The following SLC38A11 variants were observed in gnomAD, a reference collection of about 807,000 sequenced individuals.
SLC38A11 encodes putative sodium-coupled neutral amino acid transporter 11.
In SLC38A11, 51 loss-of-function variants were observed where a neutral mutation model predicts 49.4. That is an observed-to-expected ratio of 1.03 (90% CI 0.83 to 1.30). The LOEUF (loss-of-function observed/expected upper bound fraction) is 1.30, where lower values mean the gene tolerates loss of function less well. SLC38A11 is among the 50% of genes most tolerant of loss of function. The pLI is 0.00. For synonymous variants in SLC38A11, 203 were observed against 192.9 expected (o/e 1.05, Z -0.43); for missense variants, 574 against 556.2 (o/e 1.03, Z -0.32).
rs1684377543 is a variant in SLC38A11, at chr2:164,896,429, A to G, written c.*2008T>C. On this transcript the variant is annotated 3_prime_UTR_variant, in exon 12 of 12. Transcript: ENST00000685975. ...TGCTAAATTATGTTATCCTTGACAT[A>G]CTTTTCTTTGTACATGCTTAGAGAT... 6.6e-6 allele frequency: 1 copy of G among 152,150 alleles called. No homozygotes were observed. The highest frequency in any genetic ancestry group is 1.5e-5 in the Non-Finnish European group (1 of 68,032). The allele number at this position is 152,150 out of a possible 1,614,324, so 9.4% of individuals were successfully genotyped here.
chr2:164,903,507 A>G (rs775931704), intron 11 of SLC38A11, among the ~76,000 whole-genome samples: 1 of 152,196 alleles, frequency 6.6e-6, no homozygotes, highest in Non-Finnish European at 1.5e-5. Context: ...GATACCAGCT[A>G]CTTTCTTGAT....
At chr2:164,944,976 G>A (rs965021648) in intron 4 of SLC38A11, among the ~76,000 whole-genome samples, 6 of 152,068 alleles carry the variant, frequency 3.9e-5, no homozygotes, top group African/African-American at 1.4e-4. Context: ...CATAAAGTGA[G>A]GAATAATAAT....
chr2:164,913,630 A>G lies in SLC38A11; in HGVS notation c.850+1482T>C, dbSNP rs550362425. On this transcript the variant is annotated intron_variant, in intron 9 of 11. Coordinates refer to ENST00000685975, the MANE Select transcript of SLC38A11 (RefSeq NM_001351537.2). ...ATTTAATTATATCTGAGCAATTACC[A>G]CTGATAAAAACTCCAGGAAGATGTA... Among the ~76,000 whole-genome samples the G allele has an allele frequency of 2.3e-4, 35 of 150,790 alleles. No homozygotes were observed. The South Asian group carries it at 7.2e-3, about 31-fold the overall frequency.
intron 4 of SLC38A11, 31 bp downstream of exon 4, chr2:164,945,562 A>C (rs1688048157): frequency 6.4e-7 from 1 of 1,568,040 alleles, no homozygotes; most frequent in African/African-American, 1.4e-5. Flanking sequence ...TATGCACATA[A>C]TTGCAATATT....
Position 164,899,660 on chromosome 2 carries a change from C to T in SLC38A11, c.1096-930G>A, listed in dbSNP as rs185172996. Among the ~76,000 whole-genome samples, 27 of 151,944 alleles carry T rather than the reference C, an allele frequency of 1.8e-4. 1 individual carries two copies. The highest frequency in any genetic ancestry group is 1.2e-3 in the South Asian group (6 of 4,806). On this transcript the variant is annotated intron_variant, in intron 11 of 11. Transcript: ENST00000685975. ...ATATTCTCTTAAACCATAAAACATA[C>T]GTTTTTAAAAAATAAATTTTATTGT...
At chr2:164,942,322 C>A (rs1434562592) in intron 5 of SLC38A11, among the ~76,000 whole-genome samples, 1 of 150,890 alleles carries the variant, frequency 6.6e-6, no homozygotes, top group Non-Finnish European at 1.5e-5. Flanking sequence ...GCAATCCGAG[C>A]TACTTGGGAG....
At chr2:164,916,813 A>G (rs1364396218) in intron 7 of SLC38A11, among the ~76,000 whole-genome samples, 2 of 152,158 alleles carry the variant, frequency 1.3e-5, no homozygotes, top group Non-Finnish European at 2.9e-5. Context: ...CACATCATGA[A>G]TAATGATGAA....
chr2:164,906,900 T>C (rs537900960), intron 11 of SLC38A11, among the ~76,000 whole-genome samples: 1 of 152,256 alleles, frequency 6.6e-6, no homozygotes, highest in South Asian at 2.1e-4. Flanking sequence ...CTGGATGACA[T>C]AGTAACTTGG....
At chr2:164,934,885 CTAAA>C (rs1381475219) in intron 7 of SLC38A11, among the ~76,000 whole-genome samples, 1 of 152,070 alleles carries the variant, frequency 6.6e-6, no homozygotes, top group African/African-American at 2.4e-5. Context: ...ATAACAGACA[CTAAA>C]TAAATATCAG....
intron 2 of SLC38A11, among the ~76,000 whole-genome samples, chr2:164,953,484 A>C (rs1455066021): frequency 6.6e-6 from 1 of 152,202 alleles, no homozygotes; most frequent in Non-Finnish European, 1.5e-5. Context: ...GACACGGCTT[A>C]ACTTAACACG....
At position 164,911,628 on chromosome 2, in the gene SLC38A11, G is replaced by C; in HGVS notation, c.963+8C>G. 2.7e-6 allele frequency: 4 copies of C among 1,483,354 alleles called. No individual in the cohort carries two copies. The highest frequency in any genetic ancestry group is 2.8e-6 in the Non-Finnish European group (3 of 1,078,892). 91.9% of individuals were successfully genotyped at this position (1,483,354 alleles called of 1,614,324 possible). A position where few individuals can be genotyped will look rare whatever the true frequency, so the allele number is the denominator to read the frequency against. On this transcript the variant is annotated splice_region_variant and intron_variant, in intron 10 of 11. Transcript: ENST00000685975. ...CTGGGTAAAGCGTTGGGAAGGAACC[G>C]CGCTTACCTCTCTTGTCACAAAGCA...
At chr2:164,909,115 A>C (rs1444242420) in intron 10 of SLC38A11, among the ~76,000 whole-genome samples, 1 of 152,154 alleles carries the variant, frequency 6.6e-6, no homozygotes. Flanking sequence ...TACTAAAACA[A>C]ACTAAACATG....
intron 1 of SLC38A11, 122 bp downstream of exon 1, chr2:164,955,087 C>T: frequency 1.1e-6 from 1 of 905,768 alleles, no homozygotes; most frequent in African/African-American, 1.7e-5. Flanking sequence ...ACTTTTTGTC[C>T]CAGAGAACTT....
chr2:164,940,600 A>G (rs4468831), intron 5 of SLC38A11, among the ~76,000 whole-genome samples: 96,568 of 150,796 alleles, frequency 0.64, 31,402 homozygotes, highest in East Asian at 0.99. Flanking sequence ...CAATGACACT[A>G]CTTTTCTTAG....
At chr2:164,928,233 G>A (rs1686734098) in intron 7 of SLC38A11, among the ~76,000 whole-genome samples, 1 of 152,216 alleles carries the variant, frequency 6.6e-6, no homozygotes, top group African/African-American at 2.4e-5. Flanking sequence ...GAGTGTTGCA[G>A]AGCCTGGAGT....
At chr2:164,904,360 T>A (rs751301276) in intron 11 of SLC38A11, among the ~76,000 whole-genome samples, 8 of 152,090 alleles carry the variant, frequency 5.3e-5, no homozygotes, top group Non-Finnish European at 7.4e-5. Context: ...TAAAACTTAG[T>A]GTGTGTTTGC....
In SLC38A11 at chr2:164,945,550, C is replaced by A. The variant is rs183217770; in HGVS notation, c.364+43G>T. 1.0e-4 allele frequency: 162 copies of A among 1,550,494 alleles called. No homozygotes were observed. The African/African-American group carries it at 1.9e-3, about 18-fold the overall frequency. ...TATTTTATTCAGAAATGACCATATG[C>A]TTATGCACATAATTGCAATATTTAT... On this transcript the variant is annotated intron_variant, in intron 4 of 11. Transcript: ENST00000685975.
chr2:164,944,525 A>G (rs1687981430), intron 5 of SLC38A11, 44 bp downstream of exon 5: 4 of 909,536 alleles, frequency 4.4e-6, no homozygotes, highest in East Asian at 3.2e-5. Context: ...ATAACTATAT[A>G]AAATAAATAT....
intron 9 of SLC38A11, chr2:164,912,489 T>A (rs1486710216): frequency 3.3e-5 from 5 of 152,104 alleles, no homozygotes; most frequent in Non-Finnish European, 7.4e-5. Flanking sequence ...ATAAACAAAT[T>A]TCCTTTTGAA....
Sources: allele counts gnomAD v4.1 joint callset (sites outside exome capture counted in the v4.1 genomes callset), GRCh38; gene constraint gnomAD v4.1.1; transcripts MANE v1.5; gene names NCBI Gene and HGNC (gene_info 2026-07-23, HGNC 2026-07-21).